EYS: variants seen among roughly 807,000 people sequenced by gnomAD.
EYS encodes the protein protein eyes shut homolog.
Under a neutral mutation model 282.1 loss-of-function variants are expected in EYS, and 250 were observed. The observed-to-expected ratio is 0.89, with a 90% CI of 0.80 to 0.98. EYS has a LOEUF of 0.98. EYS is among the 50% of genes least tolerant of loss of function. The pLI is 0.00. For missense variants in EYS, 4,016 were observed against 3,709.0 expected (o/e 1.08, Z -2.15); for synonymous variants, 1,355 against 1,282.9 (o/e 1.06, Z -1.20).
At chr6:65,496,800 A>G (rs897758397) in intron 2 of EYS, among the ~76,000 whole-genome samples, 6 of 152,074 alleles carry the variant, frequency 3.9e-5, no homozygotes, top group African/African-American at 1.4e-4. Context: ...CTACTGTACT[A>G]TAAAGATCAA....
At chr6:63,980,117 G>C (rs551480240) in intron 35 of EYS, among the ~76,000 whole-genome samples, 40 of 151,910 alleles carry the variant, frequency 2.6e-4, no homozygotes, top group African/African-American at 9.4e-4. Context: ...CTAACTCTGT[G>C]GCACTGAAAC....
In EYS at chr6:65,410,345, G is replaced by A. The variant is rs563801782; in HGVS notation, c.863-4978C>T. On this transcript the variant is annotated intron_variant, in intron 5 of 42. Coordinates refer to ENST00000503581, the MANE Select transcript of EYS (RefSeq NM_001142800.2). The stretch of plus-strand genomic sequence containing the variant: ...ACCCATGTGGTATAATGATCCAATC[G>A]GGATAGTTAGTATATCTATCACCTC... Among the ~76,000 whole-genome samples, 6 of 151,892 alleles carry A rather than the reference G, an allele frequency of 4.0e-5. No homozygotes were observed. In the South Asian group the frequency reaches 1.0e-3, roughly 26 times the overall value.
At position 65,364,715 on chromosome 6, in the gene EYS, C is replaced by T. The variant is rs1188081252; in HGVS notation, c.1300-11098G>A. On this transcript the variant is annotated intron_variant, in intron 8 of 42. Transcript: ENST00000503581. ...TACTTTTAAAGTTCAGCTCCTTCTC[C>T]CCGGATGACACCATGGAGCTCTCAA... Among the ~76,000 whole-genome samples, 3 of 151,378 alleles carry T rather than the reference C, an allele frequency of 2.0e-5. No individual in the cohort carries two copies. The East Asian group carries it at 5.8e-4, about 29-fold the overall frequency.
At chr6:65,228,517 C>T (rs906606067) in intron 12 of EYS, among the ~76,000 whole-genome samples, 1 of 151,954 alleles carries the variant, frequency 6.6e-6, no homozygotes, top group Non-Finnish European at 1.5e-5. Context: ...CTCTTTTACA[C>T]TATTGGCTTT....
chr6:64,226,016 A>G (rs1582452384), intron 31 of EYS, among the ~76,000 whole-genome samples: 1 of 152,134 alleles, frequency 6.6e-6, no homozygotes, highest in East Asian at 1.9e-4. Context: ...GAAAAGGCAA[A>G]CACCTGTTTC....
intron 37 of EYS, among the ~76,000 whole-genome samples, chr6:63,799,336 A>G (rs550463322): frequency 2.0e-4 from 31 of 151,940 alleles, no homozygotes; most frequent in Non-Finnish European, 4.1e-4. Context: ...TTATTACTGT[A>G]TTATATAATT....
intron 11 of EYS, among the ~76,000 whole-genome samples, chr6:65,310,386 T>G (rs1320922137): frequency 1.3e-5 from 2 of 152,016 alleles, no homozygotes; most frequent in African/African-American, 4.8e-5. Flanking sequence ...TAGATATATC[T>G]GGGATTAGTG....
intron 12 of EYS, among the ~76,000 whole-genome samples, chr6:65,097,837 A>G (rs1218902337): frequency 1.3e-5 from 2 of 150,862 alleles, no homozygotes; most frequent in African/African-American, 4.8e-5. Flanking sequence ...TGATTATCAG[A>G]TACTGGGTAG....
chr6:63,868,604 A>T (rs764848412), intron 35 of EYS, among the ~76,000 whole-genome samples: 29 of 152,188 alleles, frequency 1.9e-4, no homozygotes, highest in Non-Finnish European at 3.7e-4. Context: ...TCTGAAAAAT[A>T]AAATTGCTAC....
intron 2 of EYS, among the ~76,000 whole-genome samples, chr6:65,589,164 C>T (rs1034694285): frequency 6.6e-6 from 1 of 151,916 alleles, no homozygotes; most frequent in Non-Finnish European, 1.5e-5. Flanking sequence ...AGTCACTATC[C>T]CTGAATGGAA....
chr6:63,855,760 G>A (rs1157179756), intron 36 of EYS, among the ~76,000 whole-genome samples: 31 of 152,286 alleles, frequency 2.0e-4, no homozygotes, highest in Non-Finnish European at 1.5e-5. Flanking sequence ...CTGATAAAGG[G>A]TGAAGAAGAT....
At chr6:65,684,405 CAAACGTGGGAGCACGTTCA>C (rs1021736460) in intron 1 of EYS, among the ~76,000 whole-genome samples, 9 of 151,990 alleles carry the variant, frequency 5.9e-5, no homozygotes, top group Non-Finnish European at 1.0e-4. Context: ...TTCCTAAAGC[CAAACGTGGGAGCACGTTCA>C]AAAGAATGTA....
chr6:64,000,183 T>TCAG (rs1562142319), intron 33 of EYS, among the ~76,000 whole-genome samples: 12 of 88,442 alleles, frequency 1.4e-4, no homozygotes, highest in African/African-American at 6.1e-4. Context: ...TTTTTTTTTT[T>TCAG]TTTTTTTTTT....
At chr6:64,431,444 TA>T (rs1774572418) in intron 28 of EYS, among the ~76,000 whole-genome samples, 1 of 152,130 alleles carries the variant, frequency 6.6e-6, no homozygotes, top group South Asian at 2.1e-4. Flanking sequence ...AAACCCAATT[TA>T]ATCCATAAAA....
chr6:64,089,389 TACTA>T (rs1419766181), intron 31 of EYS, among the ~76,000 whole-genome samples: 3 of 149,856 alleles, frequency 2.0e-5, no homozygotes, highest in African/African-American at 7.3e-5. Context: ...AAATTTTAAA[TACTA>T]TATATAAATA....
At chr6:64,401,708 G>A (rs1773542278) in intron 28 of EYS, among the ~76,000 whole-genome samples, 1 of 151,636 alleles carries the variant, frequency 6.6e-6, no homozygotes, top group African/African-American at 2.4e-5. Flanking sequence ...ATTTTTAAAG[G>A]GATTTAAATA....
At chr6:64,717,398 T>C (rs1771432736) in intron 22 of EYS, among the ~76,000 whole-genome samples, 2 of 152,316 alleles carry the variant, frequency 1.3e-5, no homozygotes, top group African/African-American at 4.8e-5. Context: ...AGGCATTAGG[T>C]TATCATAAGG....
chr6:65,051,014 T>C (rs1233772853), intron 13 of EYS, among the ~76,000 whole-genome samples: 1 of 151,590 alleles, frequency 6.6e-6, no homozygotes, highest in African/African-American at 2.4e-5. Context: ...TAGAGACATG[T>C]GTCTTTAAAT....
chr6:65,326,591 A>G, intron 11 of EYS, among the ~76,000 whole-genome samples: 1 of 151,488 alleles, frequency 6.6e-6, no homozygotes, highest in Non-Finnish European at 1.5e-5. Flanking sequence ...ACAGTAAAAC[A>G]AAAAATTTAT....
Sources: gnomAD v4.1 joint callset for allele counts (sites outside exome capture counted in the v4.1 genomes callset) on GRCh38, gnomAD v4.1.1 for gene constraint, MANE v1.5 for transcripts, NCBI Gene and HGNC (gene_info 2026-07-23, HGNC 2026-07-21) for gene names.